Variants in NPR3 observed in about 807,000 individuals in gnomAD.
NPR3 encodes the protein natriuretic peptide receptor 3, also known as atrial natriuretic peptide receptor 3.
NPR3 carries 34 observed loss-of-function variants against 54.5 expected under a neutral mutation model. The ratio of observed to expected loss-of-function variants is 0.62; its 90% CI spans 0.47 to 0.83. The LOEUF is 0.83. NPR3 is among the 40% of genes least tolerant of loss of function. The pLI, the probability that NPR3 is intolerant of heterozygous loss-of-function variation, is 0.00. For synonymous variants in NPR3, 289 were observed against 297.1 expected (o/e 0.97, Z 0.28); for missense variants, 674 against 720.8 (o/e 0.94, Z 0.74).
At chr5:32,752,557 T>C (rs1194042754) in intron 3 of NPR3, among the ~76,000 whole-genome samples, 1 of 152,188 alleles carries the variant, frequency 6.6e-6, no homozygotes, top group Non-Finnish European at 1.5e-5. Flanking sequence ...TCCTTCGCCC[T>C]CACTCCCTTT....
rs553842331 is a variant in NPR3, at chr5:32,722,868, T to A, written c.770-1830T>A. 4.6e-5 allele frequency among the ~76,000 whole-genome samples: 7 copies of A among 152,328 alleles called. No individual in the cohort carries two copies. In the South Asian group the frequency reaches 1.5e-3, roughly 32 times the overall value. On this transcript the variant is annotated intron_variant, in intron 1 of 7. Transcript: ENST00000265074. ...GAATTGATTATTTATTCCAAATGTA[T>A]ACCTATACTTTCAGGCAGAAGCAAC...
At chr5:32,736,230 C>CAAAAA (rs56211529) in intron 2 of NPR3, among the ~76,000 whole-genome samples, 6 of 65,378 alleles carry the variant, frequency 9.2e-5, no homozygotes, top group East Asian at 6.6e-4. Context: ...CACTCTGTCT[C>CAAAAA]AAAAAAAAAA....
intron 2 of NPR3, among the ~76,000 whole-genome samples, chr5:32,731,733 A>G (rs1739459073): frequency 6.6e-6 from 1 of 152,176 alleles, no homozygotes; most frequent in Non-Finnish European, 1.5e-5. Flanking sequence ...ATGTTAATAT[A>G]ATATATCCCA....
At chr5:32,756,534 T>G (rs1294362733) in intron 3 of NPR3, among the ~76,000 whole-genome samples, 1 of 152,208 alleles carries the variant, frequency 6.6e-6, no homozygotes, top group East Asian at 1.9e-4. Context: ...TTGCAAAAAT[T>G]TTCTCCCATT....
chr5:32,710,818 G>T, upstream of NPR3: 1 of 1,467,238 alleles, frequency 6.8e-7, no homozygotes, highest in Non-Finnish European at 9.1e-7. Flanking sequence ...TTTTTGCACC[G>T]AAACCACAAT....
intron 1 of NPR3, among the ~76,000 whole-genome samples, chr5:32,696,720 T>G (rs1740541064): frequency 6.6e-6 from 1 of 152,142 alleles, no homozygotes; most frequent in Admixed American, 6.5e-5. Flanking sequence ...CTTTCACTTC[T>G]TTGGTTAATT....
intron 6 of NPR3, among the ~76,000 whole-genome samples, chr5:32,784,049 T>C (rs1031675945): frequency 2.6e-5 from 4 of 152,238 alleles, no homozygotes; most frequent in Non-Finnish European, 5.9e-5. Context: ...AAACGCTGGC[T>C]TTGGTGAGAG....
intron 3 of NPR3, among the ~76,000 whole-genome samples, chr5:32,758,158 A>G (rs1357884150): frequency 6.6e-6 from 1 of 152,044 alleles, no homozygotes; most frequent in African/African-American, 2.4e-5. Context: ...TATTGATTGG[A>G]ATAGTTTCAG....
chr5:32,789,617 C>T lies in NPR3; in HGVS notation c.*3272C>T, dbSNP rs1742805734. 1 of 534,778 alleles carries T rather than the reference C, an allele frequency of 1.9e-6. No individual in the cohort carries two copies. The highest frequency in any genetic ancestry group is 1.9e-5 in the Admixed American group (1 of 51,596). The allele number at this position is 534,778 out of a possible 1,614,324, so 33.1% of individuals were successfully genotyped here. ...TTTGCTTTGGAATGCCCTCACTTCT[C>T]CCTATTCACAGGCTTCTAAAATCAT... On this transcript the variant is annotated 3_prime_UTR_variant, in exon 8 of 8. Transcript: ENST00000265074.
At chr5:32,732,987 G>A (rs554822281) in intron 2 of NPR3, among the ~76,000 whole-genome samples, 1 of 152,178 alleles carries the variant, frequency 6.6e-6, no homozygotes, top group East Asian at 1.9e-4. Context: ...TGGGATTACA[G>A]GCATGTGCCA....
At chr5:32,707,730 T>A (rs1338458362), upstream of NPR3, among the ~76,000 whole-genome samples, 1 of 152,164 alleles carries the variant, frequency 6.6e-6, no homozygotes, top group Non-Finnish European at 1.5e-5. Context: ...GTTCTTAGTT[T>A]AGAGGTTGCA....
Position 32,780,752 on chromosome 5 carries a change from A to T in NPR3, c.1226A>T (p.Asn409Ile). Residue 409 changes from asparagine (N) to isoleucine (I), a missense_variant, in exon 5 of 8, where the codon AAC becomes ATC. Asn to Ile is a moderately radical substitution (Grantham distance 149). Transcript: ENST00000265074. ...GIAGQVSIDANGDRYGDFSVI... is the reference protein window; with the variant it reads ...GIAGQVSIDAIGDRYGDFSVI... ...GCCGGGCAGGTGTCCATAGATGCCA[A>T]CGGAGACCGATATGGGGATTTCTCT... 1 of 1,598,570 alleles carries T rather than the reference A, an allele frequency of 6.3e-7. No homozygotes were observed. The highest frequency in any genetic ancestry group is 8.6e-7 in the Non-Finnish European group (1 of 1,165,942).
intron 1 of NPR3, among the ~76,000 whole-genome samples, chr5:32,699,820 C>A (rs1459193838): frequency 1.3e-5 from 2 of 152,154 alleles, no homozygotes; most frequent in Non-Finnish European, 2.9e-5. Context: ...TTTCTTATTG[C>A]TCATTAATGT....
intron 1 of NPR3, among the ~76,000 whole-genome samples, chr5:32,713,928 G>T (rs756082180): frequency 2.6e-5 from 4 of 152,210 alleles, no homozygotes; most frequent in Non-Finnish European, 5.9e-5. Flanking sequence ...CCAAGCAGGC[G>T]GGGCGCAGGC....
intron 2 of NPR3, among the ~76,000 whole-genome samples, chr5:32,725,157 T>C (rs1739076663): frequency 6.6e-6 from 1 of 152,116 alleles, no homozygotes; most frequent in African/African-American, 2.4e-5. Flanking sequence ...CCCTGTTGGG[T>C]ACTACGTTCA....
intron 3 of NPR3, among the ~76,000 whole-genome samples, chr5:32,749,990 C>T (rs1224076521): frequency 1.3e-5 from 2 of 152,172 alleles, no homozygotes; most frequent in Non-Finnish European, 2.9e-5. Context: ...CACTGCATCC[C>T]CCACCTCCAG....
At chr5:32,729,691 A>G (rs1229398725) in intron 2 of NPR3, among the ~76,000 whole-genome samples, 5 of 152,232 alleles carry the variant, frequency 3.3e-5, no homozygotes, top group Non-Finnish European at 7.3e-5. Context: ...AGGCAATTAT[A>G]GCATGATGGT....
At chr5:32,701,596 A>G (rs576396868) in intron 1 of NPR3, among the ~76,000 whole-genome samples, 3 of 152,296 alleles carry the variant, frequency 2.0e-5, no homozygotes, top group African/African-American at 7.2e-5. Flanking sequence ...TGGGCATTGA[A>G]GAGTTAGGCA....
At chr5:32,753,176 G>GT (rs1197610395) in intron 3 of NPR3, among the ~76,000 whole-genome samples, 11 of 151,956 alleles carry the variant, frequency 7.2e-5, no homozygotes, top group East Asian at 1.9e-4. Flanking sequence ...GGTAGTCACT[G>GT]TTTTTTTTCC....
Sources: gnomAD v4.1 joint callset for allele counts (sites outside exome capture counted in the v4.1 genomes callset) on GRCh38, gnomAD v4.1.1 for gene constraint, MANE v1.5 for transcripts, NCBI Gene and HGNC (gene_info 2026-07-23, HGNC 2026-07-21) for gene names.